The following ARHGAP28 variants were observed in gnomAD, a reference collection of about 807,000 sequenced individuals.
ARHGAP28 encodes the protein Rho GTPase activating protein 28.
In ARHGAP28, 56 loss-of-function variants were observed where a neutral mutation model predicts 90.7. The observed-to-expected ratio is 0.62, with a 90% confidence interval of 0.50 to 0.77. The LOEUF (loss-of-function observed/expected upper bound fraction) is 0.77. Ranked by LOEUF, ARHGAP28 falls within the 30% of genes least tolerant of loss-of-function variation. The pLI, the probability that ARHGAP28 is intolerant of heterozygous loss-of-function variation, is 0.00. For synonymous variants in ARHGAP28, 308 were observed against 323.3 expected (o/e 0.95, Z 0.51); for missense variants, 869 against 900.9 (o/e 0.96, Z 0.45).
At chr18:6,777,449 G>A (rs917509657) in intron 1 of ARHGAP28, among the ~76,000 whole-genome samples, 14 of 152,178 alleles carry the variant, frequency 9.2e-5, no homozygotes, top group African/African-American at 1.9e-4. Flanking sequence ...GAGGCTGGGC[G>A]TGGTGGCTCA....
At chr18:6,774,273 A>T (rs2056266282) in intron 1 of ARHGAP28, 1 of 152,198 alleles carries the variant, frequency 6.6e-6, no homozygotes, top group Admixed American at 6.5e-5. Flanking sequence ...TCGGCCACAG[A>T]CTTCTTTCTG....
chr18:6,770,471 C>T lies in ARHGAP28; in HGVS notation c.122+40528C>T, dbSNP rs191750136. ...TTTGGGTGCTTCCAAAGTGTTGTTA[C>T]GTTAGATGAAGAAAAAAGACTTGAC... On this transcript the variant is annotated intron_variant, in intron 1 of 17. Transcript: ENST00000383472. 6.6e-5 allele frequency among the ~76,000 whole-genome samples: 10 copies of T among 152,264 alleles called. 2 individuals carry two copies. Among genetic ancestry groups the T allele is most frequent in the East Asian group, 1.9e-4 (1 of 5,182 alleles).
intron 1 of ARHGAP28, among the ~76,000 whole-genome samples, chr18:6,805,961 T>C (rs888957797): frequency 3.9e-5 from 6 of 152,124 alleles, no homozygotes; most frequent in African/African-American, 1.4e-4. Flanking sequence ...CTTGACTCAC[T>C]GCAACTTCCG....
intron 11 of ARHGAP28, among the ~76,000 whole-genome samples, chr18:6,885,556 T>C (rs2057213715): frequency 6.6e-6 from 1 of 152,200 alleles, no homozygotes; most frequent in African/African-American, 2.4e-5. Context: ...ACATGCTTAA[T>C]AACTTTCTGG....
intron 4 of ARHGAP28, 82 bp downstream of exon 4, chr18:6,851,208 T>C: frequency 1.6e-6 from 2 of 1,239,516 alleles, no homozygotes; most frequent in Non-Finnish European, 2.3e-6. Context: ...TTGAAAAAAG[T>C]GCAACATAAT....
intron 1 of ARHGAP28, among the ~76,000 whole-genome samples, chr18:6,794,363 G>A (rs1270032267): frequency 6.6e-6 from 1 of 152,128 alleles, no homozygotes; most frequent in African/African-American, 2.4e-5. Flanking sequence ...TTCTAAAAAT[G>A]GGCTCATGGA....
In ARHGAP28 at chr18:6,847,227, C is replaced by T. The variant is rs368012803; in HGVS notation, c.544-3807C>T. Among the ~76,000 whole-genome samples the T allele has an allele frequency of 8.7e-4, 133 of 152,190 alleles. 1 individual carries two copies. The highest frequency in any genetic ancestry group is 3.2e-3 in the African/African-American group (131 of 41,510). Reference sequence around the variant, plus strand: ...CACCTGATTTCACCAGATTTCCAGGCAGCTTATCTTATGGAGCCCTAATTT... The same window carrying T: ...CACCTGATTTCACCAGATTTCCAGGTAGCTTATCTTATGGAGCCCTAATTT... On this transcript the variant is annotated intron_variant, in intron 3 of 17. Transcript: ENST00000383472.
chr18:6,770,804 T>C (rs539927070), intron 1 of ARHGAP28, among the ~76,000 whole-genome samples: 13 of 152,200 alleles, frequency 8.5e-5, no homozygotes, highest in African/African-American at 3.1e-4. Flanking sequence ...TGGGGAGCCA[T>C]ATTGCCCCAG....
intron 6 of ARHGAP28, among the ~76,000 whole-genome samples, chr18:6,870,262 A>G (rs896856960): frequency 6.6e-6 from 1 of 152,240 alleles, no homozygotes; most frequent in African/African-American, 2.4e-5. Context: ...TTTTAATATC[A>G]TAAGAATATA....
At chr18:6,788,999 G>T (rs917787763) in intron 1 of ARHGAP28, 1 of 152,202 alleles carries the variant, frequency 6.6e-6, no homozygotes, top group Non-Finnish European at 1.5e-5. Context: ...CATTTGAATT[G>T]AGTCTTAAAG....
chr18:6,875,857 G>A (rs1226437002), intron 9 of ARHGAP28, among the ~76,000 whole-genome samples: 1 of 152,166 alleles, frequency 6.6e-6, no homozygotes, highest in Non-Finnish European at 1.5e-5. Context: ...TAATTTTAGA[G>A]TGGTTAAGAG....
intron 16 of ARHGAP28, among the ~76,000 whole-genome samples, chr18:6,899,129 T>G (rs1177948218): frequency 6.6e-6 from 1 of 152,196 alleles, no homozygotes; most frequent in Non-Finnish European, 1.5e-5. Flanking sequence ...TTAAGTGTTG[T>G]AAACTGGCCC....
chr18:6,835,384 G>A (rs770277722), intron 2 of ARHGAP28, among the ~76,000 whole-genome samples: 3 of 152,040 alleles, frequency 2.0e-5, no homozygotes, highest in Non-Finnish European at 4.4e-5. Context: ...CTTAGATTAC[G>A]GCTGCCAATC....
In ARHGAP28 at chr18:6,790,817, G is replaced by C. The variant is rs2056401200; in HGVS notation, c.123-33945G>C. On this transcript the variant is annotated intron_variant, in intron 1 of 17. Coordinates refer to ENST00000383472, the MANE Select transcript of ARHGAP28 (RefSeq NM_001366230.1). ...AAATAGACTAAGAAAGAGTGATCAG[G>C]GAAACCGGGAGACAGTGTTGTCACG... 6 of 152,208 alleles carry C rather than the reference G, an allele frequency of 3.9e-5. No homozygotes were observed. The South Asian group carries it at 1.2e-3, about 32-fold the overall frequency. The allele number at this position is 152,208 out of a possible 1,614,324, so 9.4% of individuals were successfully genotyped here.
chr18:6,889,820 T>A, intron 12 of ARHGAP28, 68 bp from the exon 13 acceptor site: 2 of 1,416,882 alleles, frequency 1.4e-6, no homozygotes, highest in Non-Finnish European at 2.0e-6. Flanking sequence ...GGGAATAGAA[T>A]GAATGATAGC....
chr18:6,894,597 T>C (rs1051375623), intron 14 of ARHGAP28, among the ~76,000 whole-genome samples: 3 of 152,250 alleles, frequency 2.0e-5, no homozygotes, highest in African/African-American at 7.2e-5. Context: ...TCTGATCTTT[T>C]GCTGTTACAA....
rs114652025 is a variant in ARHGAP28 at position 6,842,343 on chromosome 18, G to C, written c.543+4929G>C. 3.9e-3 allele frequency among the ~76,000 whole-genome samples: 599 copies of C among 152,204 alleles called. 5 individuals carry two copies. Among genetic ancestry groups the C allele is most frequent in the African/African-American group, 0.013 (557 of 41,520 alleles). On this transcript the variant is annotated intron_variant, in intron 3 of 17. Transcript: ENST00000383472. The stretch of plus-strand genomic sequence containing the variant: ...GACTGGGCCACTTAACTCCAGCCTG[G>C]AAGACAGAATGATAGATCCTGTCTC...
At chr18:6,749,267 A>T (rs1030613012) in intron 1 of ARHGAP28, among the ~76,000 whole-genome samples, 1 of 152,210 alleles carries the variant, frequency 6.6e-6, no homozygotes, top group Non-Finnish European at 1.5e-5. Context: ...AATTAATAGC[A>T]TATCTTATAG....
intron 1 of ARHGAP28, among the ~76,000 whole-genome samples, chr18:6,770,055 CCTT>C (rs2056230075): frequency 6.6e-6 from 1 of 152,148 alleles, no homozygotes; most frequent in African/African-American, 2.4e-5. Context: ...AATTAGCTAT[CCTT>C]CTATAAAACA....
Sources: gnomAD v4.1 joint callset for allele counts (sites outside exome capture counted in the v4.1 genomes callset) on GRCh38, gnomAD v4.1.1 for gene constraint, MANE v1.5 for transcripts, NCBI Gene and HGNC (gene_info 2026-07-23, HGNC 2026-07-21) for gene names.